Variants in PKP1 observed in about 807,000 individuals in gnomAD.
The protein encoded by PKP1 is plakophilin-1.
In PKP1, 27 loss-of-function variants were observed where a neutral mutation model predicts 76.4. The observed-to-expected ratio is 0.35, with a 90% CI of 0.26 to 0.49. The LOEUF (loss-of-function observed/expected upper bound fraction) is 0.49. Among genes scored for constraint, PKP1 ranks in the 20% least tolerant of loss-of-function variants. The pLI is 0.99. For missense variants in PKP1, 964 were observed against 955.2 expected (o/e 1.01, Z -0.12); for synonymous variants, 404 against 384.2 (o/e 1.05, Z -0.60).
rs1349545594 is a variant in PKP1, at chr1:201,316,534, C to A, written c.702-19C>A. The A allele has an allele frequency of 6.3e-7, 1 of 1,593,268 alleles. No homozygotes were observed. Among genetic ancestry groups the A allele is most frequent in the Non-Finnish European group, 8.6e-7 (1 of 1,169,294 alleles). On this transcript the variant is annotated intron_variant, in intron 3 of 13. Coordinates refer to ENST00000367324, the MANE Select transcript of PKP1 (RefSeq NM_001005337.3). Reference sequence around the variant, plus strand: ...TCCCAGCCCACCCCGTAACCACCCCCACTGCCTATTCTTCACAGGATCTGC... The same window carrying A: ...TCCCAGCCCACCCCGTAACCACCCCAACTGCCTATTCTTCACAGGATCTGC...
intron 1 of PKP1, among the ~76,000 whole-genome samples, 157 bp from the exon 2 acceptor site, chr1:201,293,785 T>C (rs1655994744): frequency 6.6e-6 from 1 of 152,124 alleles, no homozygotes; most frequent in Admixed American, 6.5e-5. Context: ...GATGTGGAGA[T>C]AGATGGAGAT....
At chr1:201,301,475 T>C (rs1656228861) in intron 2 of PKP1, among the ~76,000 whole-genome samples, 1 of 149,600 alleles carries the variant, frequency 6.7e-6, no homozygotes, top group African/African-American at 2.5e-5. Context: ...ATGGCTAGGC[T>C]GGGAACACTT....
chr1:201,293,665 A>G (rs1221281210), intron 1 of PKP1, among the ~76,000 whole-genome samples: 2 of 152,110 alleles, frequency 1.3e-5, no homozygotes, highest in African/African-American at 4.8e-5. Flanking sequence ...GTGTTAACCT[A>G]CCCAAGCAGC....
At chr1:201,319,877 G>T (rs147220754) in intron 6 of PKP1, 2 of 1,614,072 alleles carry the variant, frequency 1.2e-6, no homozygotes, top group Non-Finnish European at 1.7e-6. Flanking sequence ...TAGTAGCAGG[G>T]TGTGAGCCTT....
At chr1:201,309,116 T>C (rs1450313489) in intron 2 of PKP1, among the ~76,000 whole-genome samples, 2 of 152,074 alleles carry the variant, frequency 1.3e-5, no homozygotes, top group Non-Finnish European at 2.9e-5. Context: ...CAACTGGTCA[T>C]ATTCAGTTCT....
chr1:201,305,686 G>T (rs1381280913), intron 2 of PKP1, among the ~76,000 whole-genome samples: 1 of 152,160 alleles, frequency 6.6e-6, no homozygotes, highest in African/African-American at 2.4e-5. Flanking sequence ...CAGTGCATGG[G>T]GTGGCTCTGG....
chr1:201,313,070 T>TTA (rs1346468352), intron 2 of PKP1, 96 bp from the exon 3 acceptor site: 7 of 1,280,840 alleles, frequency 5.5e-6, no homozygotes, highest in Non-Finnish European at 7.8e-6. Context: ...GTAAGCGTTA[T>TTA]TATGGGGGCT....
intron 1 of PKP1, among the ~76,000 whole-genome samples, chr1:201,285,357 A>T (rs969838448): frequency 1.3e-5 from 2 of 151,686 alleles, no homozygotes; most frequent in Non-Finnish European, 2.9e-5. Context: ...AGGGAAGGAA[A>T]ATGGCCGGCA....
intron 6 of PKP1, among the ~76,000 whole-genome samples, 199 bp downstream of exon 6, chr1:201,318,994 C>A (rs1656855979): frequency 6.6e-6 from 1 of 152,184 alleles, no homozygotes; most frequent in South Asian, 2.1e-4. Flanking sequence ...GACCCTACCA[C>A]CCCCTTTGAG....
At chr1:201,297,551 T>G (rs1194519858) in intron 2 of PKP1, among the ~76,000 whole-genome samples, 4 of 152,308 alleles carry the variant, frequency 2.6e-5, no homozygotes, top group Admixed American at 2.0e-4. Flanking sequence ...AAATTACTCC[T>G]TGAAGGCCAC....
chr1:201,324,627 C>A, intron 10 of PKP1, 46 bp downstream of exon 10: 1 of 1,605,540 alleles, frequency 6.2e-7, no homozygotes, highest in Non-Finnish European at 8.5e-7. Context: ...ACATGGCAGG[C>A]TCCCTACAAT....
chr1:201,283,621 C>A lies in PKP1; in HGVS notation c.-82C>A. ...CCGCTGAGAGCGAGAAGAGCACGCT[C>A]CTGCCCGCCCGCTGCACCGCACCTC... On this transcript the variant is annotated 5_prime_UTR_variant, in exon 1 of 14. Transcript: ENST00000367324. 1 of 1,258,404 alleles carries A rather than the reference C, an allele frequency of 7.9e-7. No individual in the cohort carries two copies. The highest frequency in any genetic ancestry group is 1.3e-5 in the South Asian group (1 of 78,760). The allele number at this position is 1,258,404 out of a possible 1,614,324, so 78.0% of individuals were successfully genotyped here.
chr1:201,289,425 G>A (rs1315537138), intron 1 of PKP1, among the ~76,000 whole-genome samples: 1 of 152,182 alleles, frequency 6.6e-6, no homozygotes, highest in African/African-American at 2.4e-5. Context: ...CGGCCTTAAG[G>A]GAGACAGAGT....
At chr1:201,309,521 C>G (rs1245478230) in intron 2 of PKP1, among the ~76,000 whole-genome samples, 2 of 152,210 alleles carry the variant, frequency 1.3e-5, no homozygotes, top group African/African-American at 2.4e-5. Flanking sequence ...GAGTTTCCAG[C>G]CTCTGGAATG....
intron 5 of PKP1, among the ~76,000 whole-genome samples, 174 bp downstream of exon 5, chr1:201,317,953 G>A (rs557775578): frequency 6.6e-6 from 1 of 152,358 alleles, no homozygotes; most frequent in East Asian, 1.9e-4. Context: ...GCCCAATTAG[G>A]GGTGTCCAGA....
chr1:201,295,317 T>C (rs1250409970), intron 2 of PKP1, among the ~76,000 whole-genome samples: 1 of 152,214 alleles, frequency 6.6e-6, no homozygotes, highest in Non-Finnish European at 1.5e-5. Flanking sequence ...AGCTTGGGGA[T>C]GAAAGGAGAC....
rs983761036 is a variant in PKP1 at position 201,317,576 on chromosome 1, A to G, written c.851A>G (p.Tyr284Cys). 13 of 1,613,604 alleles carry G rather than the reference A, an allele frequency of 8.1e-6. No homozygotes were observed. Among genetic ancestry groups the G allele is most frequent in the African/African-American group, 1.3e-5 (1 of 74,856 alleles). The change falls in exon 5 of 14, where the codon TAT becomes TGT. Residue 284 changes from tyrosine (Y) to cysteine (C), a missense_variant. Physicochemically the swap from Tyr to Cys is radical, Grantham distance 194. Coordinates refer to ENST00000367324, the MANE Select transcript of PKP1 (RefSeq NM_001005337.3). ...FQDESAKQQV[Y>C]QLGGICKLVD... ...GTGGCAACTCTTTCCTGGCAGGTCT[A>G]TCAGCTGGGAGGCATCTGCAAGCTG...
At chr1:201,307,370 A>G (rs1722756) in intron 2 of PKP1, among the ~76,000 whole-genome samples, 149,762 of 152,176 alleles carry the variant, frequency 0.98, 73,715 homozygotes, top group East Asian at 1. Context: ...GTGCCCAGAG[A>G]GGTCAGGAGG....
chr1:201,286,216 T>A (rs965444043), intron 1 of PKP1, among the ~76,000 whole-genome samples: 24 of 152,192 alleles, frequency 1.6e-4, no homozygotes, highest in Admixed American at 1.5e-3. Context: ...GGAAGGACCA[T>A]GCCCCAGGCG....
Sources: gnomAD v4.1 joint callset for allele counts (sites outside exome capture counted in the v4.1 genomes callset) on GRCh38, gnomAD v4.1.1 for gene constraint, MANE v1.5 for transcripts, NCBI Gene and HGNC (gene_info 2026-07-23, HGNC 2026-07-21) for gene names.